KCND3: variants seen among roughly 807,000 people sequenced by gnomAD.
KCND3 encodes the protein A-type voltage-gated potassium channel KCND3.
In KCND3, 9 loss-of-function variants were observed where a neutral mutation model predicts 51.1. The observed-to-expected ratio is 0.18, with a 90% CI of 0.11 to 0.31. KCND3 has a LOEUF of 0.31. Ranked by LOEUF, KCND3 falls within the 10% of genes least tolerant of loss-of-function variation. KCND3 has a pLI of 1.00. For missense variants in KCND3, 526 were observed against 903.8 expected (o/e 0.58, Z 5.36); for synonymous variants, 349 against 368.0 (o/e 0.95, Z 0.59).
At chr1:111,956,101 C>G (rs1673325872) in intron 2 of KCND3, among the ~76,000 whole-genome samples, 1 of 152,070 alleles carries the variant, frequency 6.6e-6, no homozygotes, top group South Asian at 2.1e-4. Flanking sequence ...CATGCCCAGT[C>G]CTAACAAGCA....
At chr1:111,867,683 A>T (rs922273876) in intron 2 of KCND3, among the ~76,000 whole-genome samples, 3 of 152,214 alleles carry the variant, frequency 2.0e-5, no homozygotes, top group Non-Finnish European at 4.4e-5. Flanking sequence ...TAGTATGCAC[A>T]TCTAAGAGGG....
chr1:111,928,563 G>T (rs940261497), intron 2 of KCND3, among the ~76,000 whole-genome samples: 4 of 152,200 alleles, frequency 2.6e-5, no homozygotes, highest in Admixed American at 2.6e-4. Flanking sequence ...ACCCCCGACT[G>T]CATTTGCATA....
At chr1:111,958,698 C>T (rs1673466628) in intron 2 of KCND3, among the ~76,000 whole-genome samples, 1 of 152,176 alleles carries the variant, frequency 6.6e-6, no homozygotes, top group Admixed American at 6.5e-5. Context: ...CGCTCTGGAG[C>T]TGGCAGGCCC....
Position 111,805,765 on chromosome 1 carries a change from T to G in KCND3, c.1107-18659A>C, listed in dbSNP as rs572469377. ...AGGAGAATTCAATGAGCCACCTGTG[T>G]GGACGGTGTGAAAATTCCCCGCGGC... On this transcript the variant is annotated intron_variant, in intron 2 of 7. Transcript: ENST00000302127. Among the ~76,000 whole-genome samples the G allele has an allele frequency of 2.2e-4, 33 of 152,300 alleles. 1 individual carries two copies. The highest frequency in any genetic ancestry group is 2.0e-3 in the Admixed American group (31 of 15,302).
rs770489870 is a variant in KCND3 at position 111,780,785 on chromosome 1, G to A, written c.1276C>T (p.Arg426Cys). ...TTGGCCACACGGATCCTGGCAAGGC[G>A]GGCCTTCTGTGATTGGCAGAGATAA... is the stretch of plus-strand genomic sequence containing the variant. ...ADKRRAQKKA[R>C]LARIRVAKTG... is the part of the protein sequence containing the mutation. Residue 426 changes from arginine (R) to cysteine (C), a missense_variant, in exon 4 of 8, where the codon CGC (arginine) becomes TGC (cysteine). This residue lies in a region of KCND3 where 266 missense variants were observed against 305.5 expected (regional missense o/e 0.87). Coordinates refer to ENST00000302127, the MANE Select transcript of KCND3 (RefSeq NM_001378969.1). This position sits in a 1 kb window ranked among gnomAD's most constrained non-coding sequence, Gnocchi z 4.2. The A allele has an allele frequency of 2.5e-6, 4 of 1,612,666 alleles. No homozygotes were observed. Among genetic ancestry groups the A allele is most frequent in the Admixed American group, 1.7e-5 (1 of 59,916 alleles).
At chr1:111,835,215 C>A (rs186219435) in intron 2 of KCND3, among the ~76,000 whole-genome samples, 1 of 152,102 alleles carries the variant, frequency 6.6e-6, no homozygotes, top group Non-Finnish European at 1.5e-5. Flanking sequence ...CTGGCCCCTG[C>A]GGGGAGCCTC....
chr1:111,808,492 G>A (rs1000405415), intron 2 of KCND3, among the ~76,000 whole-genome samples: 1 of 152,198 alleles, frequency 6.6e-6, no homozygotes, highest in Non-Finnish European at 1.5e-5. Flanking sequence ...GCTTATGAGA[G>A]GTATTGCTCC....
chr1:111,808,028 AT>A (rs1303777514), intron 2 of KCND3, among the ~76,000 whole-genome samples: 2 of 152,344 alleles, frequency 1.3e-5, no homozygotes, highest in African/African-American at 4.8e-5. Flanking sequence ...CACAGCTAAA[AT>A]TAAGTAAGCA....
chr1:111,904,513 A>G (rs1048169227), intron 2 of KCND3, among the ~76,000 whole-genome samples: 4 of 152,042 alleles, frequency 2.6e-5, no homozygotes, highest in African/African-American at 9.7e-5. Flanking sequence ...GCCCCACGTG[A>G]GTGTGCCTAA....
chr1:111,902,462 C>G (rs1040759752), intron 2 of KCND3, among the ~76,000 whole-genome samples: 1 of 152,162 alleles, frequency 6.6e-6, no homozygotes, highest in African/African-American at 2.4e-5. Flanking sequence ...GCTCACAGGT[C>G]CTGGGTAGGA....
chr1:111,872,838 A>T (rs1271773158), intron 2 of KCND3, among the ~76,000 whole-genome samples: 1 of 152,214 alleles, frequency 6.6e-6, no homozygotes, highest in Admixed American at 6.5e-5. Flanking sequence ...TCAGTTTTAC[A>T]AAGGCAGATG....
At chr1:111,945,777 T>G (rs1672750167) in intron 2 of KCND3, among the ~76,000 whole-genome samples, 1 of 152,216 alleles carries the variant, frequency 6.6e-6, no homozygotes, top group Non-Finnish European at 1.5e-5. Context: ...GGGTGATGTT[T>G]ACTAAGAACT....
In KCND3 at chr1:111,984,507, C is replaced by T. The variant is rs529532390; in HGVS notation, c.-72-1709G>A. Among the ~76,000 whole-genome samples, 29 of 152,326 alleles carry T rather than the reference C, an allele frequency of 1.9e-4. No individual in the cohort carries two copies. The East Asian group carries it at 2.1e-3, about 11-fold the overall frequency. ...CAAACTCCCTCTGGCCTCCTTCCCA[C>T]GGGCCTTCTTGTCTCTCACTCTCAC... On this transcript the variant is annotated intron_variant, in intron 1 of 7. Coordinates refer to ENST00000302127, the MANE Select transcript of KCND3 (RefSeq NM_001378969.1).
At position 111,945,500 on chromosome 1, in the gene KCND3, G is replaced by A. The variant is rs375873136; in HGVS notation, c.1106+36121C>T. Among the ~76,000 whole-genome samples, 4 of 152,166 alleles carry A rather than the reference G, an allele frequency of 2.6e-5. No homozygotes were observed. The South Asian group carries it at 8.3e-4, about 32-fold the overall frequency. On this transcript the variant is annotated intron_variant, in intron 2 of 7. Transcript: ENST00000302127. ...CCCTCACAACAATCCCACGAAGCAG[G>A]CACTGTCACTGCCCATTCCACAGAT...
chr1:111,813,280 G>T (rs942093768), intron 2 of KCND3, among the ~76,000 whole-genome samples: 1 of 152,168 alleles, frequency 6.6e-6, no homozygotes, highest in Non-Finnish European at 1.5e-5. Context: ...AGCCTGATCA[G>T]ACTCCAGTCC....
At chr1:111,796,881 C>T (rs1032058508) in intron 2 of KCND3, among the ~76,000 whole-genome samples, 2 of 152,190 alleles carry the variant, frequency 1.3e-5, no homozygotes, top group African/African-American at 4.8e-5. Flanking sequence ...GCGACCCTTC[C>T]AGATCATTGC....
chr1:111,805,716 C>CTAGGGGAGCG (rs1292255577), intron 2 of KCND3, among the ~76,000 whole-genome samples: 1 of 152,206 alleles, frequency 6.6e-6, no homozygotes, highest in African/African-American at 2.4e-5. Flanking sequence ...CTGCCGCTGG[C>CTAGGGGAGCG]CCATGTGGCT....
intron 2 of KCND3, among the ~76,000 whole-genome samples, chr1:111,973,833 C>T (rs3017627): frequency 0.12 from 18,342 of 152,186 alleles, 1,190 homozygotes; most frequent in Non-Finnish European, 0.14. Flanking sequence ...TATTATGATG[C>T]GTTGGCTCAG....
Position 111,982,392 on chromosome 1 carries a change from G to C in KCND3, c.335C>G (p.Ser112Cys). Residue 112 changes from serine (S) to cysteine (C), a missense_variant, in exon 2 of 8, where the codon TCT (serine) becomes TGT (cysteine). Ser to Cys is a moderately radical substitution (Grantham distance 112). Coordinates refer to ENST00000302127, the MANE Select transcript of KCND3 (RefSeq NM_001378969.1). The surrounding 1 kb of genome is among the most constrained non-coding windows in gnomAD (Gnocchi z 8.5). ...GAAGGCCAGCTCGTCGTCGTAGGCAGAGATGCACTCGTAGCGCGGGTAGTG... is the reference window on the plus strand; with the variant it reads ...GAAGGCCAGCTCGTCGTCGTAGGCACAGATGCACTCGTAGCGCGGGTAGTG... ...KLHYPRYECI[S>C]AYDDELAFYG... 6.2e-7 allele frequency: 1 copy of C among 1,614,216 alleles called. No homozygotes were observed. Among genetic ancestry groups the C allele is most frequent in the Non-Finnish European group, 8.5e-7 (1 of 1,180,054 alleles).
Sources: gnomAD v4.1 joint callset for allele counts (sites outside exome capture counted in the v4.1 genomes callset) on GRCh38, gnomAD v4.1.1 for gene constraint, gnomAD v4.1.1 regional missense constraint, Gnocchi (gnomAD v3.1) non-coding constraint, MANE v1.5 for transcripts, NCBI Gene and HGNC (gene_info 2026-07-23, HGNC 2026-07-21) for gene names.